SCRN1: variants seen among roughly 807,000 people sequenced by gnomAD.
SCRN1 encodes the protein secernin 1, also known as secernin-1.
A neutral mutation model predicts 43.3 loss-of-function variants in SCRN1; 19 were observed. That is an observed-to-expected ratio of 0.44 (90% CI 0.31 to 0.64). SCRN1 has a LOEUF of 0.64. Among genes scored for constraint, SCRN1 ranks in the 30% least tolerant of loss-of-function variants. The probability of loss-of-function intolerance (pLI) is 0.09; values close to 1 mark genes in which losing one functional copy is unlikely to be tolerated. For missense variants in SCRN1, 447 were observed against 524.1 expected (o/e 0.85, Z 1.44); for synonymous variants, 183 against 188.9 (o/e 0.97, Z 0.26).
At chr7:29,952,438 C>T (rs1787973433) in intron 3 of SCRN1, among the ~76,000 whole-genome samples, 1 of 152,066 alleles carries the variant, frequency 6.6e-6, no homozygotes, top group African/African-American at 2.4e-5. Context: ...GCCTGTAATC[C>T]CAGCACTCTG....
chr7:29,975,695 G>T (rs1213158601), intron 1 of SCRN1, among the ~76,000 whole-genome samples: 2 of 152,198 alleles, frequency 1.3e-5, no homozygotes, highest in Non-Finnish European at 2.9e-5. Context: ...AAACTTAAAA[G>T]CAACAGGCTA....
chr7:29,980,068 C>G (rs377761810), intron 1 of SCRN1, among the ~76,000 whole-genome samples: 5 of 152,306 alleles, frequency 3.3e-5, no homozygotes, highest in South Asian at 4.1e-4. Flanking sequence ...TGATGCTCCT[C>G]TACTTACTAA....
chr7:29,968,203 T>C (rs1207952303), intron 2 of SCRN1, among the ~76,000 whole-genome samples: 1 of 152,176 alleles, frequency 6.6e-6, no homozygotes, highest in Non-Finnish European at 1.5e-5. Flanking sequence ...CTGTTTGTAA[T>C]AGCAATAGAC....
At chr7:29,946,606 T>G (rs188216401) in intron 3 of SCRN1, among the ~76,000 whole-genome samples, 2 of 152,258 alleles carry the variant, frequency 1.3e-5, no homozygotes, top group African/African-American at 4.8e-5. Context: ...ACTGAGGCCC[T>G]AGACTTGCAC....
chr7:29,957,547 G>A (rs1448865273), intron 2 of SCRN1, among the ~76,000 whole-genome samples: 1 of 152,186 alleles, frequency 6.6e-6, no homozygotes, highest in Non-Finnish European at 1.5e-5. Flanking sequence ...AGAGGGAAGG[G>A]GGATATCTTT....
intron 3 of SCRN1, among the ~76,000 whole-genome samples, chr7:29,953,952 C>T (rs538022475): frequency 2.0e-5 from 3 of 152,292 alleles, no homozygotes; most frequent in African/African-American, 7.2e-5. Flanking sequence ...TACATCCACA[C>T]TGAAAGCCAA....
intron 7 of SCRN1, 57 bp from the exon 8 acceptor site, chr7:29,924,172 G>A (rs565977875): frequency 4.3e-4 from 667 of 1,549,678 alleles, no homozygotes; most frequent in Non-Finnish European, 5.2e-4. Flanking sequence ...ACATTGCAGC[G>A]GACACTGAAA....
chr7:29,924,320 T>C (rs1786870013), intron 7 of SCRN1, among the ~76,000 whole-genome samples: 1 of 152,222 alleles, frequency 6.6e-6, no homozygotes, highest in African/African-American at 2.4e-5. Context: ...CTGCACAGCT[T>C]TCTGCTGCCT....
rs148152559 is a variant in SCRN1 at position 29,930,765 on chromosome 7, G to A, written c.906-4133C>T. On this transcript the variant is annotated intron_variant, in intron 6 of 7. Coordinates refer to ENST00000242059, the MANE Select transcript of SCRN1 (RefSeq NM_014766.5). ...TGCCCCAGTCACTCAGACTTCTGTGGTGTGGTGTGACAGGAATACAAGACG... is the reference window on the plus strand; with the variant it reads ...TGCCCCAGTCACTCAGACTTCTGTGATGTGGTGTGACAGGAATACAAGACG... 5.3e-4 allele frequency among the ~76,000 whole-genome samples: 81 copies of A among 152,356 alleles called. 1 individual carries two copies. Among genetic ancestry groups the A allele is most frequent in the Middle Eastern group, 6.8e-3 (2 of 294 alleles).
At chr7:29,969,643 G>A (rs1007830396) in intron 1 of SCRN1, among the ~76,000 whole-genome samples, 3 of 152,124 alleles carry the variant, frequency 2.0e-5, no homozygotes, top group African/African-American at 4.8e-5. Context: ...AGCTGCTCCT[G>A]GACTGGCTTG....
At chr7:29,969,647 T>C (rs1788607779) in intron 1 of SCRN1, among the ~76,000 whole-genome samples, 1 of 152,232 alleles carries the variant, frequency 6.6e-6, no homozygotes, top group Non-Finnish European at 1.5e-5. Flanking sequence ...GCTCCTGGAC[T>C]GGCTTGTTCT....
At chr7:29,940,925 T>G (rs375167366) in intron 4 of SCRN1, 49 bp from the exon 5 acceptor site, 59 of 1,393,204 alleles carry the variant, frequency 4.2e-5, no homozygotes, top group Non-Finnish European at 5.3e-5. Context: ...TTATAAAGAC[T>G]TAATCAACAA....
rs771892542 is a variant in SCRN1, at chr7:29,940,715, C to T, written c.706G>A (p.Gly236Ser). The part of the protein sequence containing the change: ...FSPVEDHLDC[G>S]AGKDSLEKQE... ...TTTTCTAAGCTGTCTTTGCCAGCACCGCAGTCTAGATGATCCTCAACTGGA... is the reference window on the plus strand; with the variant it reads ...TTTTCTAAGCTGTCTTTGCCAGCACTGCAGTCTAGATGATCCTCAACTGGA... Residue 236 changes from glycine (G) to serine (S), a missense_variant, in exon 5 of 8, where the codon GGT becomes AGT. Physicochemically the swap from Gly to Ser is moderately conservative, Grantham distance 56. Coordinates refer to ENST00000242059, the MANE Select transcript of SCRN1 (RefSeq NM_014766.5). 6.2e-6 allele frequency: 10 copies of T among 1,605,238 alleles called. No homozygotes were observed. The African/African-American group carries it at 1.2e-4, about 19-fold the overall frequency.
intron 3 of SCRN1, among the ~76,000 whole-genome samples, chr7:29,944,634 G>C (rs982552901): frequency 2.8e-5 from 4 of 143,144 alleles, no homozygotes; most frequent in Non-Finnish European, 4.5e-5. Context: ...CCACACTCCA[G>C]TCTGGGCATC....
In SCRN1 at chr7:29,950,730, G is replaced by A. The variant is rs984000302; in HGVS notation, c.341+4449C>T. On this transcript the variant is annotated intron_variant, in intron 3 of 7. Transcript: ENST00000242059. This position sits in a 1 kb window ranked among gnomAD's most constrained non-coding sequence, Gnocchi z 4.5. ...TACCAAGTTTGGGCCTCCTTGACTC[G>A]TTGGGATGACCTGCCTGCAGCAGAA... Among the ~76,000 whole-genome samples, 7 of 152,192 alleles carry A rather than the reference G, an allele frequency of 4.6e-5. No individual in the cohort carries two copies. The highest frequency in any genetic ancestry group is 7.3e-5 in the Non-Finnish European group (5 of 68,040).
intron 2 of SCRN1, among the ~76,000 whole-genome samples, chr7:29,963,822 T>A (rs762996574): frequency 2.0e-5 from 3 of 152,064 alleles, no homozygotes; most frequent in Non-Finnish European, 4.4e-5. Flanking sequence ...AAGAAAAAAA[T>A]AAGGACAATC....
chr7:29,949,053 C>A (rs1032936454), intron 3 of SCRN1, among the ~76,000 whole-genome samples: 1 of 152,132 alleles, frequency 6.6e-6, no homozygotes, highest in South Asian at 2.1e-4. Flanking sequence ...CGGTGGCTCA[C>A]ACCTGTAATC....
Position 29,970,049 on chromosome 7 carries a change from C to A in SCRN1, c.-1-981G>T, listed in dbSNP as rs555621659. 1.0e-4 allele frequency: 37 copies of A among 356,792 alleles called. 1 individual carries two copies. Among genetic ancestry groups the A allele is most frequent in the South Asian group, 7.5e-4 (35 of 46,966 alleles). The allele number at this position is 356,792 out of a possible 1,614,324, so 22.1% of individuals were successfully genotyped here. On this transcript the variant is annotated intron_variant, in intron 1 of 7. Transcript: ENST00000242059. ...AAGCCACCACCATCTCCAGCCTGGA[C>A]CACTACAATAACTTCCGGAGGGGTT... is the stretch of plus-strand genomic sequence containing the variant.
chr7:29,943,720 T>A (rs1301099721), intron 4 of SCRN1, among the ~76,000 whole-genome samples: 1 of 152,148 alleles, frequency 6.6e-6, no homozygotes, highest in African/African-American at 2.4e-5. Flanking sequence ...TTCCTGGTAG[T>A]CAAAAGCAGG....
Sources: allele counts gnomAD v4.1 joint callset (sites outside exome capture counted in the v4.1 genomes callset), GRCh38; gene constraint gnomAD v4.1.1; non-coding constraint Gnocchi (gnomAD v3.1); transcripts MANE v1.5; gene names NCBI Gene and HGNC (gene_info 2026-07-23, HGNC 2026-07-21).